Variants in MAN1C1 observed in about 807,000 individuals in gnomAD.
MAN1C1 encodes the protein mannosyl-oligosaccharide 1,2-alpha-mannosidase IC.
In MAN1C1, 49 loss-of-function variants were observed where a neutral mutation model predicts 71.5. That is an observed-to-expected ratio of 0.69 (90% CI 0.54 to 0.87). The LOEUF is 0.87. Among genes scored for constraint, MAN1C1 ranks in the 40% least tolerant of loss-of-function variants. The probability of loss-of-function intolerance (pLI) is 0.00; values close to 1 mark genes in which losing one functional copy is unlikely to be tolerated. For synonymous variants in MAN1C1, 352 were observed against 343.7 expected (o/e 1.02, Z -0.27); for missense variants, 743 against 835.0 (o/e 0.89, Z 1.36).
At position 25,780,928 on chromosome 1, in the gene MAN1C1, C is replaced by G; in HGVS notation, c.1478-12C>G. On this transcript the variant is annotated splice_polypyrimidine_tract_variant and intron_variant, in intron 9 of 11. Transcript: ENST00000374332. ...GGTCTGACCTGGGCCCTCTGCTTGGCTGTTTCCCCAGACACCAAACTTGGG... is the reference window on the plus strand; with the variant it reads ...GGTCTGACCTGGGCCCTCTGCTTGGGTGTTTCCCCAGACACCAAACTTGGG... 1 of 1,612,646 alleles carries G rather than the reference C, an allele frequency of 6.2e-7. No individual in the cohort carries two copies. Among genetic ancestry groups the G allele is most frequent in the African/African-American group, 1.3e-5 (1 of 75,032 alleles).
chr1:25,767,444 TC>T (rs1423034219), intron 7 of MAN1C1, among the ~76,000 whole-genome samples: 1 of 87,288 alleles, frequency 1.1e-5, no homozygotes, highest in African/African-American at 4.7e-5. Flanking sequence ...CATTACACAC[TC>T]CACCATACAC....
At chr1:25,668,330 G>T (rs1287947162) in intron 1 of MAN1C1, among the ~76,000 whole-genome samples, 2 of 151,874 alleles carry the variant, frequency 1.3e-5, no homozygotes, top group Non-Finnish European at 2.9e-5. Flanking sequence ...TCTCCTGCTG[G>T]CTGCTGGCTG....
At chr1:25,773,301 G>A (rs1257102322) in intron 8 of MAN1C1, among the ~76,000 whole-genome samples, 2 of 152,206 alleles carry the variant, frequency 1.3e-5, no homozygotes, top group African/African-American at 4.8e-5. Flanking sequence ...GCAGTTGGAT[G>A]GATGGATAGA....
intron 1 of MAN1C1, among the ~76,000 whole-genome samples, chr1:25,641,343 T>C (rs2045534678): frequency 6.6e-6 from 1 of 152,222 alleles, no homozygotes; most frequent in South Asian, 2.1e-4. Flanking sequence ...TAAATTGTGA[T>C]GCCTAGACTT....
chr1:25,632,667 A>G (rs2045399855), intron 1 of MAN1C1, among the ~76,000 whole-genome samples: 1 of 152,144 alleles, frequency 6.6e-6, no homozygotes, highest in African/African-American at 2.4e-5. Flanking sequence ...ACAGTATCCC[A>G]GAGTTTTGAT....
At chr1:25,627,867 TAA>T (rs762132988) in intron 1 of MAN1C1, among the ~76,000 whole-genome samples, 230 of 121,892 alleles carry the variant, frequency 1.9e-3, no homozygotes, top group African/African-American at 5.5e-3. Flanking sequence ...ACCCAATCTC[TAA>T]AAAAAAAAAA....
intron 1 of MAN1C1, among the ~76,000 whole-genome samples, chr1:25,671,303 T>C (rs543612493): frequency 6.6e-6 from 1 of 152,166 alleles, no homozygotes; most frequent in Non-Finnish European, 1.5e-5. Flanking sequence ...CCTAACCCAG[T>C]GGGTGGCACA....
intron 1 of MAN1C1, among the ~76,000 whole-genome samples, chr1:25,651,401 G>T (rs564674283): frequency 6.6e-6 from 1 of 152,126 alleles, no homozygotes; most frequent in Non-Finnish European, 1.5e-5. Flanking sequence ...TGTTGCTGGC[G>T]CCTGGGCTGC....
At chr1:25,671,377 T>C (rs11802540) in intron 1 of MAN1C1, among the ~76,000 whole-genome samples, 16,847 of 152,236 alleles carry the variant, frequency 0.11, 2,128 homozygotes, top group African/African-American at 0.28. Flanking sequence ...CATTGTTGTA[T>C]TGATGTGCTA....
chr1:25,748,706 G>A (rs763857062), intron 3 of MAN1C1, among the ~76,000 whole-genome samples: 19 of 152,218 alleles, frequency 1.2e-4, no homozygotes, highest in Non-Finnish European at 2.4e-4. Context: ...GCAAGTGTGG[G>A]CATGCCCTGT....
intron 2 of MAN1C1, among the ~76,000 whole-genome samples, chr1:25,720,902 T>G (rs1410506314): frequency 6.6e-6 from 1 of 152,220 alleles, no homozygotes; most frequent in Non-Finnish European, 1.5e-5. Flanking sequence ...ATCCAATTGT[T>G]CCAGCACAAT....
chr1:25,679,124 G>T (rs1156707764), intron 1 of MAN1C1, among the ~76,000 whole-genome samples: 1 of 152,166 alleles, frequency 6.6e-6, no homozygotes, highest in African/African-American at 2.4e-5. Flanking sequence ...AAGGGGCACA[G>T]AGCTGAGTTC....
intron 1 of MAN1C1, among the ~76,000 whole-genome samples, chr1:25,630,640 A>C (rs916853486): frequency 2.0e-5 from 3 of 151,984 alleles, no homozygotes; most frequent in African/African-American, 7.3e-5. Flanking sequence ...TATATTCCTA[A>C]GTTTTTTATT....
chr1:25,710,141 C>T (rs919116726), intron 2 of MAN1C1: 2 of 152,208 alleles, frequency 1.3e-5, no homozygotes, highest in African/African-American at 4.8e-5. Flanking sequence ...CTGGAGAAAA[C>T]AGAGGTGAGT....
At position 25,783,663 on chromosome 1, in the gene MAN1C1, G is replaced by T; in HGVS notation, c.1767G>T (p.Lys589Asn). 2 of 1,611,914 alleles carry T rather than the reference G, an allele frequency of 1.2e-6. No individual in the cohort carries two copies. Among genetic ancestry groups the T allele is most frequent in the Non-Finnish European group, 1.7e-6 (2 of 1,179,822 alleles). Residue 589 changes from lysine to asparagine, a missense_variant and splice_region_variant, in exon 12 of 12, where the codon AAG becomes AAT. Coordinates refer to ENST00000374332, the MANE Select transcript of MAN1C1 (RefSeq NM_020379.4). ...QQSFFLAETL[K>N]YLYLLFSEDD... ...CTTCCCTGCCCTGCGTGGGGCACAGGTATCTCTATCTTCTGTTCTCTGAAG... is the reference window on the plus strand; with the variant it reads ...CTTCCCTGCCCTGCGTGGGGCACAGTTATCTCTATCTTCTGTTCTCTGAAG...
intron 2 of MAN1C1, among the ~76,000 whole-genome samples, chr1:25,707,337 C>G (rs1392029468): frequency 6.6e-6 from 1 of 152,214 alleles, no homozygotes; most frequent in Non-Finnish European, 1.5e-5. Flanking sequence ...CTGTGCAGAG[C>G]CCAGGTAGGG....
intron 1 of MAN1C1, among the ~76,000 whole-genome samples, chr1:25,680,879 T>C (rs938807553): frequency 2.0e-5 from 3 of 152,096 alleles, no homozygotes; most frequent in African/African-American, 4.8e-5. Context: ...GGAAGACTCA[T>C]AGGACTCAGC....
intron 2 of MAN1C1, among the ~76,000 whole-genome samples, chr1:25,734,091 G>A (rs991199788): frequency 2.6e-5 from 4 of 151,396 alleles, no homozygotes; most frequent in African/African-American, 4.9e-5. Flanking sequence ...GAGCCACTGC[G>A]CCCAGCCGAG....
intron 2 of MAN1C1, among the ~76,000 whole-genome samples, chr1:25,705,629 C>T (rs535913016): frequency 3.3e-5 from 5 of 152,344 alleles, no homozygotes; most frequent in African/African-American, 2.4e-5. Context: ...GCATTTACCA[C>T]GTGCCACTCT....
Sources: gnomAD v4.1 joint callset for allele counts (sites outside exome capture counted in the v4.1 genomes callset) on GRCh38, gnomAD v4.1.1 for gene constraint, MANE v1.5 for transcripts, NCBI Gene and HGNC (gene_info 2026-07-23, HGNC 2026-07-21) for gene names.